The following ADAMTSL3 variants were observed in gnomAD, a reference collection of about 807,000 sequenced individuals.
ADAMTSL3 encodes the protein ADAMTS-like protein 3.
A neutral mutation model predicts 201.7 loss-of-function variants in ADAMTSL3; 128 were observed. The observed-to-expected ratio is 0.63, with a 90% CI of 0.55 to 0.73. The LOEUF (loss-of-function observed/expected upper bound fraction) is 0.73, where lower values mean the gene tolerates loss of function less well. ADAMTSL3 is among the 30% of genes least tolerant of loss of function. ADAMTSL3 has a pLI of 0.00. For missense variants in ADAMTSL3, 1,990 were observed against 2,119.6 expected, an observed-to-expected ratio of 0.94 and a Z score of 1.20; for synonymous variants, 738 against 748.4, an observed-to-expected ratio of 0.99 and a Z score of 0.23.
At chr15:83,671,541 C>T (rs531161882) in intron 2 of ADAMTSL3, among the ~76,000 whole-genome samples, 3 of 152,220 alleles carry the variant, frequency 2.0e-5, no homozygotes, top group African/African-American at 7.2e-5. Context: ...TTTATTTAGT[C>T]TCATTTTTTG....
At chr15:83,942,449 T>C in intron 17 of ADAMTSL3, 147 bp from the exon 18 acceptor site, 1 of 651,476 alleles carries the variant, frequency 1.5e-6, no homozygotes, top group East Asian at 2.7e-5. Flanking sequence ...TAATTGCGTA[T>C]ATTGATGGAG....
intron 2 of ADAMTSL3, among the ~76,000 whole-genome samples, chr15:83,662,600 GA>G (rs34465239): frequency 0.38 from 54,250 of 143,538 alleles, 10,215 homozygotes; most frequent in South Asian, 0.57. Flanking sequence ...AAGAAAGAAA[GA>G]AAAAAAAAAA....
At chr15:83,800,705 A>G (rs1355750865) in intron 4 of ADAMTSL3, among the ~76,000 whole-genome samples, 1 of 152,110 alleles carries the variant, frequency 6.6e-6, no homozygotes, top group East Asian at 1.9e-4. Context: ...ATTTTTTTTA[A>G]CCTGTGACTC....
intron 10 of ADAMTSL3, 74 bp downstream of exon 10, chr15:83,885,286 T>A: frequency 8.2e-7 from 1 of 1,218,652 alleles, no homozygotes; most frequent in Non-Finnish European, 1.2e-6. Context: ...TTTTTGAAGC[T>A]GATTTTAAAA....
At chr15:83,777,828 G>A (rs1374990478) in intron 4 of ADAMTSL3, among the ~76,000 whole-genome samples, 1 of 152,176 alleles carries the variant, frequency 6.6e-6, no homozygotes, top group Non-Finnish European at 1.5e-5. Flanking sequence ...AGATCCTTGA[G>A]CTATAGCAGT....
intron 10 of ADAMTSL3, among the ~76,000 whole-genome samples, chr15:83,887,776 A>AGATGGCATCTCACTATGTT (rs1361587922): frequency 1.3e-5 from 2 of 152,096 alleles, no homozygotes; most frequent in Non-Finnish European, 2.9e-5. Context: ...TATTTTGTAG[A>AGATGGCATCTCACTATGTT]GATGGCATCT....
chr15:83,934,436 AT>A (rs1212117581), intron 17 of ADAMTSL3, among the ~76,000 whole-genome samples: 1 of 152,124 alleles, frequency 6.6e-6, no homozygotes, highest in African/African-American at 2.4e-5. Context: ...AACTAACTTG[AT>A]TTTCATTTTA....
At chr15:83,965,453 G>T (rs533421559) in intron 19 of ADAMTSL3, among the ~76,000 whole-genome samples, 64 of 152,074 alleles carry the variant, frequency 4.2e-4, no homozygotes, top group Middle Eastern at 6.8e-3. Flanking sequence ...TTACATAATG[G>T]TAAAGAGATC....
chr15:83,725,015 A>T (rs1249479629), intron 3 of ADAMTSL3, among the ~76,000 whole-genome samples: 1 of 152,080 alleles, frequency 6.6e-6, no homozygotes, highest in Non-Finnish European at 1.5e-5. Context: ...TGCAAAAAAC[A>T]TGGGAGGGCA....
At chr15:83,707,913 C>G (rs926105834) in intron 3 of ADAMTSL3, among the ~76,000 whole-genome samples, 4 of 152,208 alleles carry the variant, frequency 2.6e-5, no homozygotes, top group African/African-American at 9.6e-5. Flanking sequence ...CAGGTTGTCC[C>G]TAAAAGGTTT....
At chr15:83,945,217 C>G (rs1215418064) in intron 19 of ADAMTSL3, among the ~76,000 whole-genome samples, 2 of 152,136 alleles carry the variant, frequency 1.3e-5, no homozygotes, top group Non-Finnish European at 2.9e-5. Flanking sequence ...CAGCTGGAGA[C>G]AGTGCCAGTG....
At position 83,890,119 on chromosome 15, in the gene ADAMTSL3, C is replaced by T. The variant is rs771233130; in HGVS notation, c.1083C>T (p.Leu361=). 1.9e-6 allele frequency: 3 copies of T among 1,612,990 alleles called. No individual in the cohort carries two copies. The highest frequency in any genetic ancestry group is 8.5e-7 in the Non-Finnish European group (1 of 1,179,494). ...TTTCTAACACTTTAGGTTATCAGCT[C>T]AATTCTGCTGAATGTGTGGATATCC... ...CTVTCGGGYQ[L]NSAECVDIRL... The change falls in exon 11 of 30, where the codon CTC becomes CTT. Residue 361 remains leucine (L), a synonymous_variant. Coordinates refer to ENST00000286744, the MANE Select transcript of ADAMTSL3 (RefSeq NM_207517.3).
At chr15:83,712,207 T>G (rs1032159753) in intron 3 of ADAMTSL3, among the ~76,000 whole-genome samples, 4 of 152,198 alleles carry the variant, frequency 2.6e-5, no homozygotes, top group Non-Finnish European at 5.9e-5. Flanking sequence ...CTCTCTTCAG[T>G]GGCCTTTTAT....
intron 3 of ADAMTSL3, among the ~76,000 whole-genome samples, chr15:83,723,301 G>A (rs962429321): frequency 2.0e-5 from 3 of 152,130 alleles, no homozygotes; most frequent in Non-Finnish European, 4.4e-5. Context: ...TGCAAACCCA[G>A]TGCTAGTGAT....
At chr15:83,764,539 C>A (rs185956366) in intron 3 of ADAMTSL3, among the ~76,000 whole-genome samples, 1 of 152,240 alleles carries the variant, frequency 6.6e-6, no homozygotes, top group East Asian at 1.9e-4. Context: ...TTTACTTCCC[C>A]AGCTCTCTCT....
At chr15:83,982,175 G>T in intron 20 of ADAMTSL3, 98 bp from the exon 21 acceptor site, 1 of 890,176 alleles carries the variant, frequency 1.1e-6, no homozygotes, top group Non-Finnish European at 1.7e-6. Context: ...AGATACGTTT[G>T]TTAGCCTGTA....
intron 2 of ADAMTSL3, among the ~76,000 whole-genome samples, chr15:83,691,803 C>T (rs919502376): frequency 2.5e-4 from 38 of 152,066 alleles, no homozygotes; most frequent in African/African-American, 6.5e-4. Flanking sequence ...TTAGTAGAGA[C>T]GGGTTTCACC....
intron 8 of ADAMTSL3, among the ~76,000 whole-genome samples, chr15:83,859,185 C>G (rs1309290420): frequency 4.6e-5 from 7 of 152,176 alleles, no homozygotes; most frequent in Non-Finnish European, 7.3e-5. Flanking sequence ...ATACTGGAGG[C>G]TACGCACTGG....
At chr15:83,679,088 C>G (rs538029699) in intron 2 of ADAMTSL3, among the ~76,000 whole-genome samples, 1 of 151,332 alleles carries the variant, frequency 6.6e-6, no homozygotes, top group East Asian at 1.9e-4. Flanking sequence ...GTATACTGAT[C>G]TGTCATCTCA....
Sources: allele counts gnomAD v4.1 joint callset (sites outside exome capture counted in the v4.1 genomes callset), GRCh38; gene constraint gnomAD v4.1.1; transcripts MANE v1.5; gene names NCBI Gene and HGNC (gene_info 2026-07-23, HGNC 2026-07-21).